The following MAGI1 variants were observed in gnomAD, a reference collection of about 807,000 sequenced individuals.
MAGI1 encodes membrane-associated guanylate kinase, WW and PDZ domain-containing protein 1.
Under a neutral mutation model 139.9 loss-of-function variants are expected in MAGI1, and 58 were observed. That is an observed-to-expected ratio of 0.41 (90% CI 0.34 to 0.52). The LOEUF is 0.52. Among genes scored for constraint, MAGI1 ranks in the 20% least tolerant of loss-of-function variants. MAGI1 has a pLI of 0.12. For missense variants in MAGI1, 1,874 were observed against 1,901.6 expected, an observed-to-expected ratio of 0.99 and a Z score of 0.27; for synonymous variants, 812 against 737.9, an observed-to-expected ratio of 1.10 and a Z score of -1.63.
intron 1 of MAGI1, among the ~76,000 whole-genome samples, chr3:65,903,252 C>T (rs1018779791): frequency 3.3e-5 from 5 of 152,100 alleles, no homozygotes; most frequent in African/African-American, 1.2e-4. Context: ...CCTTGGCCTC[C>T]CAAAGTGGTG....
chr3:65,615,320 C>A (rs992298230), intron 2 of MAGI1, among the ~76,000 whole-genome samples: 4 of 152,148 alleles, frequency 2.6e-5, no homozygotes, highest in Non-Finnish European at 5.9e-5. Context: ...GTGAGACCCA[C>A]CCAAAGATTT....
chr3:65,873,888 C>T (rs1324461055), intron 1 of MAGI1: 1 of 152,054 alleles, frequency 6.6e-6, no homozygotes, highest in African/African-American at 2.4e-5. Flanking sequence ...AGTAAATCTT[C>T]AAAACCCTGG....
intron 2 of MAGI1, among the ~76,000 whole-genome samples, chr3:65,609,126 T>G (rs2082903413): frequency 6.6e-6 from 1 of 152,142 alleles, no homozygotes; most frequent in South Asian, 2.1e-4. Flanking sequence ...AGGGAGCTGC[T>G]GAAAACCTCA....
chr3:65,659,076 A>AT (rs1364475054), intron 1 of MAGI1, among the ~76,000 whole-genome samples: 1 of 152,138 alleles, frequency 6.6e-6, no homozygotes, highest in Non-Finnish European at 1.5e-5. Context: ...AAAAGGGGAG[A>AT]TTCAGTCAGA....
intron 1 of MAGI1, among the ~76,000 whole-genome samples, chr3:65,781,055 G>A (rs1423186854): frequency 1.3e-5 from 2 of 152,114 alleles, no homozygotes; most frequent in African/African-American, 2.4e-5. Flanking sequence ...ACTTAGCCAG[G>A]CGTTGTGGCT....
chr3:66,038,652 T>G lies in MAGI1; in HGVS notation c.-344A>C. The G allele has an allele frequency of 8.7e-6, 2 of 231,136 alleles. No individual in the cohort carries two copies. The highest frequency in any genetic ancestry group is 2.3e-5 in the African/African-American group (1 of 44,368). 14.3% of individuals were successfully genotyped at this position (231,136 alleles called of 1,614,324 possible). A position where few individuals can be genotyped will look rare whatever the true frequency, so the allele number is the denominator to read the frequency against. Reference sequence around the variant, plus strand: ...TTTTTTTCCTTCCTTCCTTTCTCTCTTGCCTTTTACAAATGCGGTGCCTCC... The same window carrying G: ...TTTTTTTCCTTCCTTCCTTTCTCTCGTGCCTTTTACAAATGCGGTGCCTCC... On this transcript the variant is annotated 5_prime_UTR_variant, in exon 1 of 23. Transcript: ENST00000402939.
chr3:65,646,862 G>A lies in MAGI1; in HGVS notation c.314-24774C>T, dbSNP rs188764438. Among the ~76,000 whole-genome samples the A allele has an allele frequency of 3.3e-3, 503 of 151,900 alleles. 6 individuals are homozygous for A. Among genetic ancestry groups the A allele is most frequent in the African/African-American group, 0.011 (471 of 41,452 alleles). On this transcript the variant is annotated intron_variant, in intron 1 of 22. Coordinates refer to ENST00000402939, the MANE Select transcript of MAGI1 (RefSeq NM_001033057.2). The stretch of plus-strand genomic sequence containing the variant: ...ACATCGACATAAATAAAAAAACAAC[G>A]TGTCAAAATTGTACAATTACACGTA...
intron 22 of MAGI1, 41 bp downstream of exon 22, chr3:65,361,158 C>G (rs1265053910): frequency 1.4e-5 from 23 of 1,613,904 alleles, no homozygotes; most frequent in Non-Finnish European, 1.9e-5. Flanking sequence ...TTCATGGAGT[C>G]ATGCCAGGGA....
intron 2 of MAGI1, among the ~76,000 whole-genome samples, chr3:65,560,199 T>C (rs1462284640): frequency 6.6e-6 from 1 of 152,206 alleles, no homozygotes; most frequent in Admixed American, 6.5e-5. Context: ...TACATATCAG[T>C]GTTGATTTTC....
chr3:65,643,405 G>C lies in MAGI1; in HGVS notation c.314-21317C>G, dbSNP rs145640058. On this transcript the variant is annotated intron_variant, in intron 1 of 22. Transcript: ENST00000402939. Reference sequence around the variant, plus strand: ...TTGCTATCTACGAAAAATAAAGAGGGTGACACTTCCCCTTCTGTAAAGATA... The same window carrying C: ...TTGCTATCTACGAAAAATAAAGAGGCTGACACTTCCCCTTCTGTAAAGATA... 3.7e-3 allele frequency among the ~76,000 whole-genome samples: 558 copies of C among 152,200 alleles called. 4 individuals are homozygous for C. Among genetic ancestry groups the C allele is most frequent in the African/African-American group, 0.013 (540 of 41,524 alleles).
intron 1 of MAGI1, among the ~76,000 whole-genome samples, chr3:65,920,583 T>C (rs927484916): frequency 8.5e-5 from 13 of 152,180 alleles, no homozygotes; most frequent in African/African-American, 2.2e-4. Context: ...TAAAACAATA[T>C]AGTACAATTA....
intron 1 of MAGI1, among the ~76,000 whole-genome samples, chr3:65,656,268 C>T (rs2085870503): frequency 6.6e-6 from 1 of 152,118 alleles, no homozygotes; most frequent in Non-Finnish European, 1.5e-5. Flanking sequence ...CATCTCAAAG[C>T]CCCTTTGCCT....
intron 5 of MAGI1, among the ~76,000 whole-genome samples, chr3:65,458,718 T>C (rs759535046): frequency 6.6e-6 from 1 of 152,174 alleles, no homozygotes; most frequent in Non-Finnish European, 1.5e-5. Context: ...TAATCCCTTG[T>C]CAGATGGACA....
At chr3:65,926,366 T>TCTCC (rs917292684) in intron 1 of MAGI1, among the ~76,000 whole-genome samples, 2 of 150,104 alleles carry the variant, frequency 1.3e-5, no homozygotes, top group Middle Eastern at 3.4e-3. Context: ...TCTCTCTCTC[T>TCTCC]CTCCCTCTTT....
At chr3:65,672,155 C>T (rs894104457) in intron 1 of MAGI1, among the ~76,000 whole-genome samples, 1 of 152,256 alleles carries the variant, frequency 6.6e-6, no homozygotes, top group East Asian at 1.9e-4. Flanking sequence ...CCAAATGACA[C>T]TGGGGAGTGT....
chr3:65,951,833 T>G (rs2063875975), intron 1 of MAGI1, among the ~76,000 whole-genome samples: 1 of 152,202 alleles, frequency 6.6e-6, no homozygotes, highest in East Asian at 1.9e-4. Context: ...GAATAAAATA[T>G]GTAAGAGTCC....
intron 1 of MAGI1, among the ~76,000 whole-genome samples, chr3:65,892,208 G>A (rs1031637878): frequency 6.6e-6 from 1 of 151,964 alleles, no homozygotes; most frequent in Non-Finnish European, 1.5e-5. Flanking sequence ...TCAAGGTTCA[G>A]TGACCCTAAC....
At chr3:65,843,959 T>C (rs2058896074) in intron 1 of MAGI1, 2 of 210,558 alleles carry the variant, frequency 9.5e-6, no homozygotes. Context: ...AAAATTTTCA[T>C]TTTCACTGCA....
At chr3:65,805,201 C>G (rs1453578976) in intron 1 of MAGI1, among the ~76,000 whole-genome samples, 2 of 151,948 alleles carry the variant, frequency 1.3e-5, no homozygotes, top group Non-Finnish European at 2.9e-5. Flanking sequence ...TGACAAAGGT[C>G]TAATATCCAG....
Sources: gnomAD v4.1 joint callset for allele counts (sites outside exome capture counted in the v4.1 genomes callset) on GRCh38, gnomAD v4.1.1 for gene constraint, MANE v1.5 for transcripts, NCBI Gene and HGNC (gene_info 2026-07-23, HGNC 2026-07-21) for gene names.